The following ITGA7 variants were observed in gnomAD, a reference collection of about 807,000 sequenced individuals.
ITGA7 encodes integrin subunit alpha 7, also known as integrin alpha-7.
Under a neutral mutation model 131.6 loss-of-function variants are expected in ITGA7, and 84 were observed. The observed-to-expected ratio is 0.64, with a 90% CI of 0.54 to 0.77. The LOEUF is 0.77. Among genes scored for constraint, ITGA7 ranks in the 30% least tolerant of loss-of-function variants. The pLI is 0.00. For synonymous variants in ITGA7, 548 were observed against 600.7 expected (o/e 0.91, Z 1.28); for missense variants, 1,399 against 1,482.9 (o/e 0.94, Z 0.93).
upstream of ITGA7, among the ~76,000 whole-genome samples, chr12:55,710,125 C>T (rs1875942048): frequency 6.6e-6 from 1 of 152,148 alleles, no homozygotes. Flanking sequence ...CTTTGGGAGG[C>T]CGAAGCAGGC....
intron 19 of ITGA7, among the ~76,000 whole-genome samples, chr12:55,693,733 C>T (rs565782562): frequency 9.2e-5 from 14 of 152,070 alleles, no homozygotes; most frequent in Admixed American, 3.3e-4. Flanking sequence ...TAACCCCCCG[C>T]CCCATGTTCC....
upstream of ITGA7, among the ~76,000 whole-genome samples, chr12:55,708,187 T>G (rs190849193): frequency 6.6e-6 from 1 of 151,068 alleles, no homozygotes; most frequent in Non-Finnish European, 1.5e-5. Flanking sequence ...GGGAGAGAAG[T>G]ACAGATAGAA....
At chr12:55,686,419 G>C (rs1266828047) in intron 24 of ITGA7, 1 of 618,474 alleles carries the variant, frequency 1.6e-6, no homozygotes, top group South Asian at 1.7e-5. Flanking sequence ...TGGGAGCAGG[G>C]AGCAAGCATC....
At chr12:55,695,134 G>T (rs541106617) in intron 14 of ITGA7, 164 bp from the exon 15 acceptor site, 14 of 665,650 alleles carry the variant, frequency 2.1e-5, no homozygotes, top group Middle Eastern at 3.7e-4. Context: ...CACACGACTG[G>T]GAGTCAGGGG....
upstream of ITGA7, chr12:55,711,994 G>T: frequency 8.0e-7 from 1 of 1,250,322 alleles, no homozygotes; most frequent in Non-Finnish European, 1.1e-6. Context: ...GAGCCTTGGA[G>T]CTTATGTCCC....
At chr12:55,705,870 A>C (rs1283105185) in intron 1 of ITGA7, among the ~76,000 whole-genome samples, 1 of 152,234 alleles carries the variant, frequency 6.6e-6, no homozygotes, top group Non-Finnish European at 1.5e-5. Flanking sequence ...AAAGACATCA[A>C]AACAGGCAAG....
At chr12:55,702,182 A>AT (rs35183674) in intron 3 of ITGA7, among the ~76,000 whole-genome samples, 72,972 of 140,936 alleles carry the variant, frequency 0.52, 19,307 homozygotes, top group East Asian at 0.92. Context: ...CACCTAGCTA[A>AT]TTTTTTTTTT....
In ITGA7 at chr12:55,697,931, C is replaced by G; in HGVS notation, c.1281+7G>C. 6.2e-7 allele frequency: 1 copy of G among 1,614,130 alleles called. No homozygotes were observed. The highest frequency in any genetic ancestry group is 8.5e-7 in the Non-Finnish European group (1 of 1,180,016). ...ACCCATTCCCTCATCCCAGCGACTC[C>G]CCTCACCTGTGAAGGTTTGGCGACA... On this transcript the variant is annotated splice_region_variant and intron_variant, in intron 8 of 24. Transcript: ENST00000257879.
At chr12:55,690,278 C>A (rs553606393) in intron 21 of ITGA7, among the ~76,000 whole-genome samples, 6,409 of 151,866 alleles carry the variant, frequency 0.042, 448 homozygotes, top group African/African-American at 0.15. Flanking sequence ...TTTACAAGAA[C>A]AAAACAAACA....
chr12:55,687,477 C>CTG, intron 24 of ITGA7, among the ~76,000 whole-genome samples: 1 of 145,908 alleles, frequency 6.9e-6, no homozygotes, highest in East Asian at 2.1e-4. Context: ...GCATGAGCCA[C>CTG]CATGCCCGGC....
intron 12 of ITGA7, among the ~76,000 whole-genome samples, 196 bp from the exon 13 acceptor site, chr12:55,696,628 G>A (rs750169720): frequency 6.6e-6 from 1 of 152,154 alleles, no homozygotes; most frequent in Admixed American, 6.5e-5. Flanking sequence ...GGGCTTTGAG[G>A]ACCAGATGTG....
upstream of ITGA7, among the ~76,000 whole-genome samples, chr12:55,709,997 T>C (rs1875923556): frequency 6.6e-6 from 1 of 152,172 alleles, no homozygotes; most frequent in Non-Finnish European, 1.5e-5. Flanking sequence ...ACATGTAGAT[T>C]TCTCTCAAGG....
At chr12:55,700,686 C>T in intron 4 of ITGA7, 1 of 696,476 alleles carries the variant, frequency 1.4e-6, no homozygotes, top group East Asian at 2.7e-5. Flanking sequence ...GGGGCCCATG[C>T]CAGCATGTTG....
intron 4 of ITGA7, chr12:55,700,428 G>A (rs1873726698): frequency 1.9e-6 from 3 of 1,579,690 alleles, no homozygotes; most frequent in East Asian, 4.5e-5. Context: ...CCAGGGCAGG[G>A]CGCAAGGAAC....
chr12:55,711,546 A>G (rs1876118838), upstream of ITGA7, among the ~76,000 whole-genome samples: 1 of 152,106 alleles, frequency 6.6e-6, no homozygotes, highest in Non-Finnish European at 1.5e-5. Context: ...ATGATAATCC[A>G]TGGAATAGAT....
intron 24 of ITGA7, chr12:55,686,110 A>T (rs1407615587): frequency 1.5e-6 from 1 of 655,442 alleles, no homozygotes; most frequent in Non-Finnish European, 2.3e-6. Context: ...CACCCTGAAC[A>T]TTCCTGATCC....
intron 22 of ITGA7, 21 bp downstream of exon 22, chr12:55,688,823 A>C (rs759687765): frequency 6.4e-7 from 1 of 1,566,580 alleles, no homozygotes; most frequent in Admixed American, 1.7e-5. Flanking sequence ...AACACAGACT[A>C]GAGCCGAGTG....
Position 55,688,218 on chromosome 12 carries a change from C to T in ITGA7, c.3041G>A (p.Arg1014Gln), listed in dbSNP as rs779843497. 6.2e-5 allele frequency: 100 copies of T among 1,614,040 alleles called. No individual in the cohort carries two copies. Among genetic ancestry groups the T allele is most frequent in the East Asian group, 3.3e-4 (15 of 44,900 alleles). ...VKSSIKNLML[R>Q]DASTVIPVMV... ...GCAGCTCACCACTGTGGAGGCATCTCGGAGCATCAAGTTCTTTATGGAGGA... is the reference window on the plus strand; with the variant it reads ...GCAGCTCACCACTGTGGAGGCATCTTGGAGCATCAAGTTCTTTATGGAGGA... Residue 1014 changes from arginine to glutamine, a missense_variant, in exon 23 of 25, where the codon CGA becomes CAA. Physicochemically the swap from Arg to Gln is conservative, Grantham distance 43 (BLOSUM62 1). Transcript: ENST00000257879.
intron 12 of ITGA7, 88 bp from the exon 13 acceptor site, chr12:55,696,520 A>C: frequency 7.1e-7 from 1 of 1,403,162 alleles, no homozygotes; most frequent in Non-Finnish European, 9.9e-7. Flanking sequence ...GACCAATTCT[A>C]AAACTTGGAA....
Sources: gnomAD v4.1 joint callset for allele counts (sites outside exome capture counted in the v4.1 genomes callset) on GRCh38, gnomAD v4.1.1 for gene constraint, MANE v1.5 for transcripts, NCBI Gene and HGNC (gene_info 2026-07-23, HGNC 2026-07-21) for gene names.